The following OR4N2 variants were observed in gnomAD, a reference collection of about 807,000 sequenced individuals.
The protein encoded by OR4N2 is olfactory receptor 4N2.
For missense variants in OR4N2, 307 were observed against 377.6 expected, an observed-to-expected ratio of 0.81 and a Z score of 1.55; for synonymous variants, 141 against 140.4, an observed-to-expected ratio of 1.00 and a Z score of -0.03.
rs757156304 is a variant in OR4N2, at chr14:19,827,993, C to G, written c.545C>G (p.Pro182Arg). Reference sequence around the variant, plus strand: ...CTGGACAACTTCTTCTGTGATGTCCCACAGGTCATCAAGCTGGCCTGCACC... The same window carrying G: ...CTGGACAACTTCTTCTGTGATGTCCGACAGGTCATCAAGCTGGCCTGCACC... ...NQLDNFFCDV[P>R]QVIKLACTDT... Residue 182 changes from proline (P) to arginine (R), a missense_variant, in exon 2 of 2, where the codon CCA becomes CGA. Physicochemically the swap from Pro to Arg is moderately radical, Grantham distance 103. Transcript: ENST00000557677. 6.2e-7 allele frequency: 1 copy of G among 1,614,218 alleles called. No homozygotes were observed. Among genetic ancestry groups the G allele is most frequent in the Non-Finnish European group, 8.5e-7 (1 of 1,180,040 alleles).
Position 19,827,709 on chromosome 14 carries a change from T to C in OR4N2, c.261T>C (p.Ser87=). ...VAPRMLVDFL[S]AKKIISYRGC... Reference sequence around the variant, plus strand: ...CCCGGATGTTGGTGGACTTCCTCTCTGCGAAGAAGATAATCTCCTACAGAG... The same window carrying C: ...CCCGGATGTTGGTGGACTTCCTCTCCGCGAAGAAGATAATCTCCTACAGAG... Residue 87 remains serine (S), a synonymous_variant, in exon 2 of 2, where the codon TCT becomes TCC. Transcript: ENST00000557677. 1.2e-6 allele frequency: 2 copies of C among 1,614,278 alleles called. No homozygotes were observed. The highest frequency in any genetic ancestry group is 1.7e-5 in the Admixed American group (1 of 60,032).
chr14:19,823,814 T>G (rs992414569), intron 1 of OR4N2, among the ~76,000 whole-genome samples: 5 of 142,074 alleles, frequency 3.5e-5, no homozygotes, highest in South Asian at 4.4e-4. Context: ...AAAAAGAAAA[T>G]AAACTGCTTA....
intron 1 of OR4N2, among the ~76,000 whole-genome samples, chr14:19,824,191 ATT>A (rs376911103): frequency 6.0e-5 from 9 of 151,090 alleles, no homozygotes; most frequent in African/African-American, 1.7e-4. Flanking sequence ...TCATATATGG[ATT>A]TTTTTTTTGG....
At position 19,828,295 on chromosome 14, in the gene OR4N2, A is replaced by T; in HGVS notation, c.847A>T (p.Asn283Tyr). 1.2e-6 allele frequency: 2 copies of T among 1,614,232 alleles called. No homozygotes were observed. The highest frequency in any genetic ancestry group is 1.7e-6 in the Non-Finnish European group (2 of 1,180,032). The change falls in exon 2 of 2, where the codon AAT becomes TAT. Residue 283 changes from asparagine to tyrosine, a missense_variant. Transcript: ENST00000557677. Reference protein sequence around the residue: ...LFHTVIFPLLNPVIYTLRNQE... With the variant: ...LFHTVIFPLLYPVIYTLRNQE... ...CCACACAGTGATTTTTCCTTTGTTG[A>T]ATCCTGTCATTTATACCCTTCGCAA...
intron 1 of OR4N2, among the ~76,000 whole-genome samples, chr14:19,815,655 GTTT>G (rs59019427): frequency 2.6e-4 from 36 of 138,528 alleles, no homozygotes; most frequent in Middle Eastern, 3.7e-3. Flanking sequence ...GTTTTTTTTT[GTTT>G]TTTTTTTTTT....
intron 1 of OR4N2, among the ~76,000 whole-genome samples, chr14:19,825,229 C>T (rs560185483): frequency 1.3e-5 from 2 of 152,262 alleles, no homozygotes; most frequent in Non-Finnish European, 2.9e-5. Flanking sequence ...TCATAAATTC[C>T]ACATGTGGCT....
intron 1 of OR4N2, among the ~76,000 whole-genome samples, chr14:19,826,654 G>T (rs1472815631): frequency 2.6e-5 from 4 of 152,256 alleles, no homozygotes; most frequent in East Asian, 3.8e-4. Context: ...TTGTTAAAAG[G>T]CTGTATCTTG....
intron 1 of OR4N2, among the ~76,000 whole-genome samples, chr14:19,807,511 A>G (rs1166741519): frequency 1.3e-5 from 2 of 152,108 alleles, no homozygotes; most frequent in African/African-American, 2.4e-5. Context: ...GAAACACACA[A>G]TCTCCCAAGA....
rs1236146102 is a variant in OR4N2 at position 19,828,845 on chromosome 14, T to C, written c.*473T>C. 2 of 163,254 alleles carry C rather than the reference T, an allele frequency of 1.2e-5. No individual in the cohort carries two copies. Among genetic ancestry groups the C allele is most frequent in the African/African-American group, 2.4e-5 (1 of 41,520 alleles). The allele number at this position is 163,254 out of a possible 1,614,324, so 10.1% of individuals were successfully genotyped here. A position where few individuals can be genotyped will look rare whatever the true frequency, so the allele number is the denominator to read the frequency against. On this transcript the variant is annotated 3_prime_UTR_variant, in exon 2 of 2. Coordinates refer to ENST00000557677, the MANE Select transcript of OR4N2 (RefSeq NM_001004723.3). Reference sequence around the variant, plus strand: ...TGATGAACTTGGTATATTTGAAGAATACAATAAAGTCCATGTTACCCGGAA... The same window carrying C: ...TGATGAACTTGGTATATTTGAAGAACACAATAAAGTCCATGTTACCCGGAA...
At position 19,828,102 on chromosome 14, in the gene OR4N2, T is replaced by A; in HGVS notation, c.654T>A (p.Tyr218Ter). Reference sequence around the variant, plus strand: ...GCTTTCTGGGGCTTCTGGCCTCCTATGCAGTCATTCTTTGTCGCATACGAG... The same window carrying A: ...GCTTTCTGGGGCTTCTGGCCTCCTAAGCAGTCATTCTTTGTCGCATACGAG... Reference protein sequence around the residue: ...LLCFLGLLASYAVILCRIRGS... With the variant: ...LLCFLGLLAS The change falls in exon 2 of 2, where the codon TAT becomes TAA. Residue 218 changes from tyrosine to a stop codon, truncating the protein, a stop_gained. Coordinates refer to ENST00000557677, the MANE Select transcript of OR4N2 (RefSeq NM_001004723.3). LOFTEE classifies it low-confidence loss of function (END_TRUNC). The A allele has an allele frequency of 6.2e-7, 1 of 1,614,266 alleles. No individual in the cohort carries two copies. The highest frequency in any genetic ancestry group is 1.1e-5 in the South Asian group (1 of 91,088).
intron 1 of OR4N2, among the ~76,000 whole-genome samples, chr14:19,820,032 G>T (rs1476519391): frequency 6.6e-6 from 1 of 152,264 alleles, no homozygotes; most frequent in Non-Finnish European, 1.5e-5. Flanking sequence ...GAACAGCAAA[G>T]ATTACTGCCT....
chr14:19,819,671 T>A (rs1879514375), intron 1 of OR4N2, among the ~76,000 whole-genome samples: 4 of 152,244 alleles, frequency 2.6e-5, no homozygotes, highest in Admixed American at 2.6e-4. Flanking sequence ...TACCCTTCTT[T>A]GGAAGCCTAC....
At chr14:19,812,879 G>A (rs922218978) in intron 1 of OR4N2, among the ~76,000 whole-genome samples, 32 of 151,816 alleles carry the variant, frequency 2.1e-4, no homozygotes, top group Non-Finnish European at 4.1e-4. Context: ...CTCTTTTGTT[G>A]GATAAAAACA....
chr14:19,805,076 C>A (rs1223942865), intron 1 of OR4N2, among the ~76,000 whole-genome samples: 1 of 152,158 alleles, frequency 6.6e-6, no homozygotes, highest in Non-Finnish European at 1.5e-5. Flanking sequence ...TTATTTTGAG[C>A]CCCTGGATGT....
intron 1 of OR4N2, among the ~76,000 whole-genome samples, chr14:19,811,521 T>C (rs1359276141): frequency 6.6e-6 from 1 of 152,244 alleles, no homozygotes; most frequent in Admixed American, 6.5e-5. Flanking sequence ...GCTGGGACTA[T>C]AGGCGTGAGC....
intron 1 of OR4N2, among the ~76,000 whole-genome samples, chr14:19,817,000 A>G (rs1241936207): frequency 3.3e-5 from 5 of 152,202 alleles, no homozygotes; most frequent in African/African-American, 9.6e-5. Context: ...ATGTTTACTG[A>G]TTGGGTATGT....
rs1380372482 is a variant in OR4N2 at position 19,828,438 on chromosome 14, A to G, written c.*66A>G. On this transcript the variant is annotated 3_prime_UTR_variant, in exon 2 of 2. Coordinates refer to ENST00000557677, the MANE Select transcript of OR4N2 (RefSeq NM_001004723.3). ...AATTTTATCTGAAATTGATTTGTTT[A>G]TTTCCAAGTACTGCAATCACTGAGT... 2 of 1,406,842 alleles carry G rather than the reference A, an allele frequency of 1.4e-6. No individual in the cohort carries two copies. The highest frequency in any genetic ancestry group is 1.5e-5 in the African/African-American group (1 of 68,418). The allele number at this position is 1,406,842 out of a possible 1,614,324, so 87.1% of individuals were successfully genotyped here.
intron 1 of OR4N2, among the ~76,000 whole-genome samples, chr14:19,821,147 G>A (rs746133315): frequency 3.3e-5 from 5 of 152,252 alleles, no homozygotes; most frequent in Non-Finnish European, 1.5e-5. Context: ...CTTTCCTCTC[G>A]GCACAGTCTC....
chr14:19,822,161 A>ACT (rs754747101), intron 1 of OR4N2: 2 of 152,254 alleles, frequency 1.3e-5, no homozygotes, highest in African/African-American at 4.8e-5. Flanking sequence ...GGCACTATGT[A>ACT]CTCTCTCTCC....
Sources: allele counts gnomAD v4.1 joint callset (sites outside exome capture counted in the v4.1 genomes callset), GRCh38; gene constraint gnomAD v4.1.1; transcripts MANE v1.5; gene names NCBI Gene and HGNC (gene_info 2026-07-23, HGNC 2026-07-21).